SART3: variants seen among roughly 807,000 people sequenced by gnomAD.
SART3 encodes the protein HIV-1 Tat-interacting protein of 110kDa.
Under a neutral mutation model 122.3 loss-of-function variants are expected in SART3, and 44 were observed. That is an observed-to-expected ratio of 0.36 (90% CI 0.28 to 0.46). SART3 has a LOEUF of 0.46. SART3 is among the 20% of genes least tolerant of loss of function. SART3 has a pLI of 1.00. For missense variants in SART3, 1,101 were observed against 1,229.0 expected (o/e 0.90, Z 1.56); for synonymous variants, 442 against 454.0 (o/e 0.97, Z 0.34).
At chr12:108,531,959 A>C in intron 13 of SART3, 2 of 438,324 alleles carry the variant, frequency 4.6e-6, no homozygotes, top group Non-Finnish European at 8.6e-6. Flanking sequence ...GCCCCTAAAC[A>C]TTGTATAACG....
intron 6 of SART3, among the ~76,000 whole-genome samples, chr12:108,541,998 C>CTTTTT (rs55746158): frequency 1.5e-5 from 1 of 68,106 alleles, no homozygotes; most frequent in Non-Finnish European, 2.8e-5. Flanking sequence ...CCAAGCCCGG[C>CTTTTT]TTTTTTTTTT....
chr12:108,540,885 C>G (rs755969202), intron 6 of SART3, among the ~76,000 whole-genome samples: 3 of 152,204 alleles, frequency 2.0e-5, no homozygotes, highest in Non-Finnish European at 4.4e-5. Flanking sequence ...ACAACTGGTT[C>G]TCCATATGGA....
intron 6 of SART3, among the ~76,000 whole-genome samples, chr12:108,539,854 C>T (rs1365784775): frequency 6.6e-6 from 1 of 152,120 alleles, no homozygotes; most frequent in Non-Finnish European, 1.5e-5. Context: ...ACACACTGTA[C>T]CATTCAAAAC....
At position 108,532,449 on chromosome 12, in the gene SART3, G is replaced by A. The variant is rs907044769; in HGVS notation, c.1557-115C>T. 65 of 784,994 alleles carry A rather than the reference G, an allele frequency of 8.3e-5. No individual in the cohort carries two copies. The East Asian group carries it at 1.7e-3, about 21-fold the overall frequency. The allele number at this position is 784,994 out of a possible 1,614,324, so 48.6% of individuals were successfully genotyped here. On this transcript the variant is annotated intron_variant, in intron 12 of 18. Transcript: ENST00000546815. ...ACTCTTCAGTAACTCTAGCTTCTGA[G>A]AAGACCTTAGCTTTCAGATCTATCC...
chr12:108,532,112 A>T, intron 13 of SART3, 110 bp downstream of exon 13: 1 of 862,466 alleles, frequency 1.2e-6, no homozygotes, highest in Non-Finnish European at 1.9e-6. Flanking sequence ...GCACCACCTA[A>T]GGTGGCAGCA....
chr12:108,541,859 G>A (rs763684945), intron 6 of SART3, among the ~76,000 whole-genome samples: 1 of 151,720 alleles, frequency 6.6e-6, no homozygotes, highest in Non-Finnish European at 1.5e-5. Flanking sequence ...TTAAGAAATA[G>A]GGTTTTGCTT....
chr12:108,560,812 G>C (rs562136613), intron 1 of SART3, 31 bp downstream of exon 1: 3 of 1,563,242 alleles, frequency 1.9e-6, no homozygotes, highest in Non-Finnish European at 2.6e-6. Context: ...TGAAAGACTG[G>C]AAGATGCCCG....
At chr12:108,560,737 G>A (rs766023432) in intron 1 of SART3, 106 bp downstream of exon 1, 5 of 1,036,014 alleles carry the variant, frequency 4.8e-6, no homozygotes, top group Non-Finnish European at 6.9e-6. Flanking sequence ...CGGGTTTGCA[G>A]CCTTGGCGGC....
chr12:108,529,808 A>T (rs1434555232), intron 15 of SART3, among the ~76,000 whole-genome samples: 1 of 118,088 alleles, frequency 8.5e-6, no homozygotes, highest in Non-Finnish European at 1.7e-5. Flanking sequence ...CATCAGAGTA[A>T]AAAAAAAAAG....
At chr12:108,553,504 C>T (rs1274455054) in intron 1 of SART3, among the ~76,000 whole-genome samples, 1 of 152,178 alleles carries the variant, frequency 6.6e-6, no homozygotes, top group African/African-American at 2.4e-5. Context: ...TACACCAAGA[C>T]TTCATTAGTA....
At chr12:108,558,172 A>C (rs2030314293) in intron 1 of SART3, among the ~76,000 whole-genome samples, 1 of 152,148 alleles carries the variant, frequency 6.6e-6, no homozygotes, top group African/African-American at 2.4e-5. Context: ...CAAAAAAAAA[A>C]ATTAATAAAC....
chr12:108,550,039 T>C (rs1164615642), intron 1 of SART3, among the ~76,000 whole-genome samples: 2 of 130,022 alleles, frequency 1.5e-5, no homozygotes. Context: ...AAAAAAAAGA[T>C]AGAAATCCCT....
In SART3 at chr12:108,526,452, C is replaced by T. The variant is rs142686490; in HGVS notation, c.2017G>A (p.Val673Ile). The T allele has an allele frequency of 1.2e-4, 193 of 1,614,192 alleles. 1 individual carries two copies. The African/African-American group carries it at 2.1e-3, about 18-fold the overall frequency. Residue 673 changes from valine (V) to isoleucine (I), a missense_variant, in exon 16 of 19, where the codon GTA becomes ATA. This residue lies in a region of SART3 where 885 missense variants were observed against 1,080.1 expected (regional missense o/e 0.82). Transcript: ENST00000546815. ...TGCTTCGAAGGGGGCTCCACATCTA[C>T]GGCAGCACATTTCCCAGCGGGCCCT... ...AAGPAGKCAA[V>I]DVEPPSKQKE...
At chr12:108,524,240 G>A (rs1224436383) in intron 18 of SART3, 76 bp downstream of exon 18, 1 of 1,236,090 alleles carries the variant, frequency 8.1e-7, no homozygotes, top group Non-Finnish European at 1.2e-6. Flanking sequence ...ATTCATCCCG[G>A]GTTAATCCCC....
At chr12:108,535,510 G>T in intron 11 of SART3, 42 bp from the exon 12 acceptor site, 1 of 1,481,742 alleles carries the variant, frequency 6.7e-7, no homozygotes, top group South Asian at 1.1e-5. Flanking sequence ...TGAACCTTAT[G>T]ACGTCGACAC....
intron 12 of SART3, chr12:108,532,635 G>A (rs1044725934): frequency 1.6e-5 from 6 of 373,606 alleles, no homozygotes; most frequent in African/African-American, 4.2e-5. Flanking sequence ...GGCACATGGC[G>A]GGGGAGTCCA....
chr12:108,554,861 T>A (rs569473566), intron 1 of SART3, among the ~76,000 whole-genome samples: 1 of 152,162 alleles, frequency 6.6e-6, no homozygotes, highest in East Asian at 1.9e-4. Flanking sequence ...ATGATATCAA[T>A]GTATAGTAAA....
At chr12:108,543,975 C>T (rs906448891) in intron 5 of SART3, among the ~76,000 whole-genome samples, 3 of 152,206 alleles carry the variant, frequency 2.0e-5, no homozygotes, top group African/African-American at 7.2e-5. Context: ...CAATCAACTG[C>T]ACTTCTGAAC....
Position 108,539,374 on chromosome 12 carries a change from G to T in SART3, c.907-285C>A, listed in dbSNP as rs569508257. On this transcript the variant is annotated intron_variant, in intron 6 of 18. Transcript: ENST00000546815. ...TTAAGTAGCCCATCAATCAGGAACT[G>T]AGTGAAAGAGCAACACCTTTGCCAG... is the stretch of plus-strand genomic sequence containing the variant. 5.9e-5 allele frequency among the ~76,000 whole-genome samples: 9 copies of T among 152,342 alleles called. No individual in the cohort carries two copies. The South Asian group carries it at 1.9e-3, about 32-fold the overall frequency.
Sources: allele counts gnomAD v4.1 joint callset (sites outside exome capture counted in the v4.1 genomes callset), GRCh38; gene constraint gnomAD v4.1.1; regional missense constraint gnomAD v4.1.1; transcripts MANE v1.5; gene names NCBI Gene and HGNC (gene_info 2026-07-23, HGNC 2026-07-21).